Variants in C12orf42 observed in about 807,000 individuals in gnomAD.
C12orf42 encodes chromosome 12 open reading frame 42, also known as uncharacterized protein C12orf42.
Under a neutral mutation model 21.6 loss-of-function variants are expected in C12orf42, and 25 were observed. The observed-to-expected ratio is 1.16, with a 90% CI of 0.84 to 1.62. The LOEUF is 1.62. Among genes scored for constraint, C12orf42 ranks in the 40% most tolerant of loss-of-function variants. C12orf42 has a pLI of 0.00. For synonymous variants in C12orf42, 174 were observed against 175.0 expected, an observed-to-expected ratio of 0.99 and a Z score of 0.05; for missense variants, 483 against 459.3, an observed-to-expected ratio of 1.05 and a Z score of -0.47.
At chr12:103,454,466 T>C (rs1341323710) in intron 2 of C12orf42, among the ~76,000 whole-genome samples, 1 of 152,160 alleles carries the variant, frequency 6.6e-6, no homozygotes, top group Non-Finnish European at 1.5e-5. Context: ...CCTATTTCTC[T>C]TTTTATTTGT....
the C12orf42 span, among the ~76,000 whole-genome samples, chr12:103,194,304 C>T: frequency 6.6e-6 from 1 of 152,030 alleles, no homozygotes; most frequent in Non-Finnish European, 1.5e-5. Flanking sequence ...CAGTAGAGTA[C>T]TGGAATTCCT....
At chr12:103,543,502 A>G in the C12orf42 span, among the ~76,000 whole-genome samples, 15 of 151,940 alleles carry the variant, frequency 9.9e-5, no homozygotes, top group Non-Finnish European at 2.1e-4. Flanking sequence ...GGTCCCAGCT[A>G]CTTGGAAGGG....
intron 2 of C12orf42, among the ~76,000 whole-genome samples, chr12:103,436,145 C>T (rs577911240): frequency 6.6e-6 from 1 of 151,436 alleles, no homozygotes; most frequent in East Asian, 2.0e-4. Flanking sequence ...CATATCCAGC[C>T]AAACTAAGCT....
intron 2 of C12orf42, among the ~76,000 whole-genome samples, chr12:103,416,008 G>A (rs1387779796): frequency 1.3e-5 from 2 of 148,628 alleles, no homozygotes; most frequent in East Asian, 4.0e-4. Context: ...GGTGATTACT[G>A]AGGCACCATT....
chr12:103,072,603 C>T, the C12orf42 span, among the ~76,000 whole-genome samples: 1 of 151,996 alleles, frequency 6.6e-6, no homozygotes, highest in Non-Finnish European at 1.5e-5. Flanking sequence ...TAGAAAGTGC[C>T]CCCACCCCCG....
chr12:103,341,142 A>C (rs4764732), intron 4 of C12orf42, among the ~76,000 whole-genome samples: 37 of 140,502 alleles, frequency 2.6e-4, no homozygotes, highest in East Asian at 1.8e-3. Flanking sequence ...AAAAGACACC[A>C]CAATAAAAAT....
intron 5 of C12orf42, among the ~76,000 whole-genome samples, chr12:103,272,546 A>G (rs939082661): frequency 1.3e-5 from 2 of 152,138 alleles, no homozygotes; most frequent in African/African-American, 4.8e-5. Context: ...ACTAGATTTC[A>G]TTTAATACGT....
the C12orf42 span, among the ~76,000 whole-genome samples, chr12:103,087,373 A>C: frequency 7.2e-4 from 110 of 152,308 alleles, 2 homozygotes; most frequent in Middle Eastern, 3.4e-3. Context: ...AACCATCCTG[A>C]CTCATAGAAC....
At chr12:103,074,176 C>T in the C12orf42 span, among the ~76,000 whole-genome samples, 19 of 152,152 alleles carry the variant, frequency 1.2e-4, no homozygotes, top group African/African-American at 4.6e-4. Flanking sequence ...AAGTTATAGA[C>T]CCAAAGAAAT....
chr12:103,268,719 A>C (rs546193879), exon 7 of C12orf42: 1 of 152,272 alleles, frequency 6.6e-6, no homozygotes, highest in South Asian at 2.1e-4. Context: ...ATTGATAATA[A>C]GTTTAAGCTT....
At chr12:103,317,000 C>A (rs1392825773) in intron 4 of C12orf42, among the ~76,000 whole-genome samples, 2 of 152,164 alleles carry the variant, frequency 1.3e-5, no homozygotes, top group Non-Finnish European at 2.9e-5. Flanking sequence ...ATCAAAGTCA[C>A]TCATTCCAGC....
intron 10 of C12orf42, among the ~76,000 whole-genome samples, chr12:103,242,161 G>T (rs1341228426): frequency 6.6e-6 from 1 of 152,108 alleles, no homozygotes; most frequent in African/African-American, 2.4e-5. Context: ...GTCTAAGAGA[G>T]CCTAGAAAGA....
chr12:103,146,559 G>A, the C12orf42 span, among the ~76,000 whole-genome samples: 4 of 28,608 alleles, frequency 1.4e-4, no homozygotes, highest in African/African-American at 2.9e-4. Flanking sequence ...AATAAAGAAA[G>A]AAAAGAAAGA....
intron 5 of C12orf42, chr12:103,269,938 C>T (rs943150372): frequency 1.3e-5 from 2 of 152,058 alleles, no homozygotes; most frequent in African/African-American, 4.8e-5. Context: ...ATAACACAGC[C>T]GTTTACAACC....
chr12:103,494,175 C>T (rs929620222), intron 1 of C12orf42, among the ~76,000 whole-genome samples: 3 of 152,312 alleles, frequency 2.0e-5, no homozygotes, highest in Non-Finnish European at 2.9e-5. Context: ...CTGGCCCTCT[C>T]GCCTCCCTTT....
Position 103,326,402 on chromosome 12 carries a change from A to T in C12orf42, c.260-20057T>A, listed in dbSNP as rs537386905. On this transcript the variant is annotated intron_variant, in intron 4 of 5. Coordinates refer to ENST00000548883, the MANE Select transcript of C12orf42 (RefSeq NM_198521.5). ...CACCAGGGGGATCCTTTTAAAAGCT[A>T]AATCAGATCCTGTTGCTTCCTTGCT... Among the ~76,000 whole-genome samples the T allele has an allele frequency of 1.1e-4, 17 of 152,332 alleles. No homozygotes were observed. In the South Asian group the frequency reaches 3.1e-3, roughly 28 times the overall value.
the C12orf42 span, among the ~76,000 whole-genome samples, chr12:103,072,367 T>A: frequency 2.0e-5 from 3 of 152,110 alleles, no homozygotes; most frequent in South Asian, 6.2e-4. Context: ...GAAGAACAGA[T>A]CCTATACCAT....
At chr12:103,144,510 C>T in the C12orf42 span, among the ~76,000 whole-genome samples, 1 of 152,186 alleles carries the variant, frequency 6.6e-6, no homozygotes, top group Admixed American at 6.6e-5. Flanking sequence ...GCAGAGAGTA[C>T]AGTTTTCTGA....
intron 4 of C12orf42, among the ~76,000 whole-genome samples, chr12:103,344,661 C>T (rs1486381866): frequency 6.6e-6 from 1 of 152,118 alleles, no homozygotes; most frequent in African/African-American, 2.4e-5. Flanking sequence ...GAAATTGAGG[C>T]ACAGGGGCTA....
Sources: allele counts gnomAD v4.1 joint callset (sites outside exome capture counted in the v4.1 genomes callset), GRCh38; gene constraint gnomAD v4.1.1; transcripts MANE v1.5; gene names NCBI Gene and HGNC (gene_info 2026-07-23, HGNC 2026-07-21).